The following SCHIP1 variants were observed in gnomAD, a reference collection of about 807,000 sequenced individuals.
SCHIP1 encodes schwannomin-interacting protein 1.
In SCHIP1, 8 loss-of-function variants were observed where a neutral mutation model predicts 29.7. The ratio of observed to expected loss-of-function variants is 0.27; its 90% confidence interval spans 0.16 to 0.49. The LOEUF (loss-of-function observed/expected upper bound fraction) is 0.49. Among genes scored for constraint, SCHIP1 ranks in the 20% least tolerant of loss-of-function variants. The pLI is 0.99. For missense variants in SCHIP1, 193 were observed against 294.6 expected (o/e 0.66, Z 2.52); for synonymous variants, 76 against 94.9 (o/e 0.80, Z 1.16).
the SCHIP1 span, among the ~76,000 whole-genome samples, chr3:159,458,904 C>T: frequency 2.0e-5 from 3 of 152,248 alleles, no homozygotes; most frequent in East Asian, 3.9e-4. Context: ...CTTTCCTGAG[C>T]TTGTGCTCTG....
At chr3:159,383,746 A>C in the SCHIP1 span, among the ~76,000 whole-genome samples, 4 of 146,836 alleles carry the variant, frequency 2.7e-5, no homozygotes, top group Non-Finnish European at 4.5e-5. Context: ...ATGAGCATGG[A>C]ATGTTCTTCC....
chr3:159,423,328 C>T, the SCHIP1 span, among the ~76,000 whole-genome samples: 1 of 152,212 alleles, frequency 6.6e-6, no homozygotes, highest in Non-Finnish European at 1.5e-5. Context: ...ACAGACGGCA[C>T]CTGGAAAATC....
At chr3:159,285,801 G>T in the SCHIP1 span, among the ~76,000 whole-genome samples, 1 of 152,038 alleles carries the variant, frequency 6.6e-6, no homozygotes, top group Non-Finnish European at 1.5e-5. Flanking sequence ...ATAAACATTT[G>T]TTGAGGACCT....
the SCHIP1 span, among the ~76,000 whole-genome samples, chr3:159,747,904 A>C: frequency 6.6e-6 from 1 of 152,222 alleles, no homozygotes; most frequent in Non-Finnish European, 1.5e-5. Flanking sequence ...TTAATATAAA[A>C]ATGGACAGAT....
chr3:159,602,292 A>G, the SCHIP1 span, among the ~76,000 whole-genome samples: 1 of 152,066 alleles, frequency 6.6e-6, no homozygotes, highest in Non-Finnish European at 1.5e-5. Context: ...GTTCTCTCCT[A>G]GATGTTCTAT....
the SCHIP1 span, among the ~76,000 whole-genome samples, chr3:159,490,524 A>T: frequency 6.6e-6 from 1 of 152,222 alleles, no homozygotes; most frequent in Non-Finnish European, 1.5e-5. Context: ...ACTCAACTTC[A>T]TTGAGTTACC....
At chr3:159,708,188 G>C in the SCHIP1 span, among the ~76,000 whole-genome samples, 1 of 150,724 alleles carries the variant, frequency 6.6e-6, no homozygotes, top group Admixed American at 6.8e-5. Flanking sequence ...GGAAAGCACA[G>C]AGAAGAAAGC....
At chr3:159,381,518 G>T in the SCHIP1 span, among the ~76,000 whole-genome samples, 5 of 152,212 alleles carry the variant, frequency 3.3e-5, no homozygotes, top group Non-Finnish European at 7.4e-5. Flanking sequence ...GGCCCTTAAA[G>T]ATTTATGGAG....
At chr3:159,478,399 G>A in the SCHIP1 span, among the ~76,000 whole-genome samples, 1 of 152,126 alleles carries the variant, frequency 6.6e-6, no homozygotes, top group Non-Finnish European at 1.5e-5. Flanking sequence ...CAAATGTGTG[G>A]CCTTCATTTG....
At chr3:159,876,725 A>C (rs1219406855) in intron 2 of SCHIP1, among the ~76,000 whole-genome samples, 2 of 152,200 alleles carry the variant, frequency 1.3e-5, no homozygotes, top group Non-Finnish European at 2.9e-5. Flanking sequence ...CGCTTTTATC[A>C]TATGTTTCTT....
At chr3:159,851,016 A>G (rs886866601) in intron 1 of SCHIP1, among the ~76,000 whole-genome samples, 1 of 152,178 alleles carries the variant, frequency 6.6e-6, no homozygotes, top group Non-Finnish European at 1.5e-5. Flanking sequence ...CTTCACATCT[A>G]TAATCTCAGT....
At chr3:159,619,500 C>G in the SCHIP1 span, among the ~76,000 whole-genome samples, 2 of 152,230 alleles carry the variant, frequency 1.3e-5, no homozygotes, top group Non-Finnish European at 2.9e-5. Context: ...GGCTTAAACG[C>G]TTTTTCCTAC....
At chr3:159,888,668 C>T in intron 4 of SCHIP1, 152 bp from the exon 6 acceptor site, 1 of 1,132,846 alleles carries the variant, frequency 8.8e-7, no homozygotes, top group Non-Finnish European at 1.2e-6. Context: ...GATGTAGGGC[C>T]CCACATTGGG....
chr3:159,578,332 A>G, the SCHIP1 span, among the ~76,000 whole-genome samples: 2 of 152,234 alleles, frequency 1.3e-5, no homozygotes, highest in African/African-American at 4.8e-5. Context: ...TAAGAAAAAT[A>G]TATAAAATAA....
At chr3:159,747,477 C>T in the SCHIP1 span, among the ~76,000 whole-genome samples, 1 of 152,156 alleles carries the variant, frequency 6.6e-6, no homozygotes, top group African/African-American at 2.4e-5. Flanking sequence ...GAAAACTTAG[C>T]ACATAAGACC....
At chr3:159,895,784 C>T (rs1363389337) in intron 6 of SCHIP1, among the ~76,000 whole-genome samples, 1 of 152,238 alleles carries the variant, frequency 6.6e-6, no homozygotes, top group Non-Finnish European at 1.5e-5. Context: ...GAACCTCCAC[C>T]TCCCGGGTTC....
the SCHIP1 span, among the ~76,000 whole-genome samples, chr3:159,287,934 A>G: frequency 1.3e-5 from 2 of 152,238 alleles, no homozygotes; most frequent in African/African-American, 4.8e-5. Flanking sequence ...AGCTTCATGT[A>G]TGATATCAAT....
At chr3:159,361,356 A>G in the SCHIP1 span, among the ~76,000 whole-genome samples, 1 of 152,170 alleles carries the variant, frequency 6.6e-6, no homozygotes, top group Non-Finnish European at 1.5e-5. Context: ...TAGAGGACAC[A>G]GACTGCCAAG....
chr3:159,422,706 C>G, the SCHIP1 span, among the ~76,000 whole-genome samples: 2 of 152,152 alleles, frequency 1.3e-5, no homozygotes, highest in Admixed American at 6.5e-5. Flanking sequence ...CCTATGTACT[C>G]TTTTGTGTTT....
Sources: allele counts gnomAD v4.1 joint callset (sites outside exome capture counted in the v4.1 genomes callset), GRCh38; gene constraint gnomAD v4.1.1; transcripts MANE v1.5; gene names NCBI Gene and HGNC (gene_info 2026-07-23, HGNC 2026-07-21).